The following PDE9A variants were observed in gnomAD, a reference collection of about 807,000 sequenced individuals.
PDE9A encodes the protein phosphodiesterase 9A, also known as high affinity cGMP-specific 3',5'-cyclic phosphodiesterase 9A.
Under a neutral mutation model 87.4 loss-of-function variants are expected in PDE9A, and 60 were observed. The ratio of observed to expected loss-of-function variants is 0.69; its 90% CI spans 0.56 to 0.85. The LOEUF (loss-of-function observed/expected upper bound fraction) is 0.85, where lower values mean the gene tolerates loss of function less well. PDE9A is among the 40% of genes least tolerant of loss of function. The pLI, the probability that PDE9A is intolerant of heterozygous loss-of-function variation, is 0.00. For missense variants in PDE9A, 665 were observed against 779.0 expected (o/e 0.85, Z 1.74); for synonymous variants, 272 against 279.4 (o/e 0.97, Z 0.27).
chr21:42,771,167 C>T (rs944897529), intron 18 of PDE9A, among the ~76,000 whole-genome samples: 14 of 152,200 alleles, frequency 9.2e-5, no homozygotes, highest in African/African-American at 3.1e-4. Flanking sequence ...GGCCCCAGGG[C>T]TGACTTGTTC....
chr21:42,664,351 C>G (rs1299561370), intron 1 of PDE9A, among the ~76,000 whole-genome samples: 1 of 152,272 alleles, frequency 6.6e-6, no homozygotes, highest in Non-Finnish European at 1.5e-5. Flanking sequence ...CAGGTGATGA[C>G]ACATCACAGT....
Position 42,759,134 on chromosome 21 carries a change from C to T in PDE9A, c.897+49C>T, listed in dbSNP as rs772292003. The T allele has an allele frequency of 7.4e-7, 1 of 1,357,720 alleles. No homozygotes were observed. The highest frequency in any genetic ancestry group is 2.3e-5 in the East Asian group (1 of 43,586). 84.1% of individuals were successfully genotyped at this position (1,357,720 alleles called of 1,614,324 possible). On this transcript the variant is annotated intron_variant, in intron 11 of 19. Transcript: ENST00000291539. The surrounding 1 kb of genome is among the most constrained non-coding windows in gnomAD (Gnocchi z 7.2). ...TTCTTCCTGGGCACGTGGTTTCATC[C>T]AGTTCCACAGGAATGGAGGGAATGG...
rs1040766889 is a variant in PDE9A, at chr21:42,705,598, G to T, written c.262+6587G>T. 8.5e-5 allele frequency among the ~76,000 whole-genome samples: 13 copies of T among 152,266 alleles called. No homozygotes were observed. Among genetic ancestry groups the T allele is most frequent in the Admixed American group, 5.9e-4 (9 of 15,296 alleles). The stretch of plus-strand genomic sequence containing the variant: ...CGTATCAAGGGGATTGTGTCTTTTT[G>T]ACCAGAGCGTTAGGGAAAGCGTGCT... On this transcript the variant is annotated intron_variant, in intron 4 of 19. Coordinates refer to ENST00000291539, the MANE Select transcript of PDE9A (RefSeq NM_002606.3). The surrounding 1 kb of genome is among the most constrained non-coding windows in gnomAD (Gnocchi z 4.3).
At chr21:42,757,630 G>A (rs1433100367) in intron 10 of PDE9A, 1 of 152,216 alleles carries the variant, frequency 6.6e-6, no homozygotes, top group Non-Finnish European at 1.5e-5. Context: ...CTCGGTCCCT[G>A]GTCTGGGACC....
At position 42,773,717 on chromosome 21, in the gene PDE9A, A is replaced by C. The variant is rs376927007; in HGVS notation, c.1768+1197A>C. 7.3e-4 allele frequency among the ~76,000 whole-genome samples: 109 copies of C among 149,472 alleles called. 1 individual carries two copies. The highest frequency in any genetic ancestry group is 6.9e-3 in the South Asian group (32 of 4,612). ...TTGAGAGGCTGAGGCAGGAGAATGG[A>C]GTGAACCCAGGAGGCGGAGATTGCC... On this transcript the variant is annotated intron_variant, in intron 19 of 19. Transcript: ENST00000291539.
Position 42,710,689 on chromosome 21 carries a change from C to T in PDE9A, c.262+11678C>T, listed in dbSNP as rs75741332. 7.1e-3 allele frequency among the ~76,000 whole-genome samples: 1,081 copies of T among 152,184 alleles called. 12 individuals are homozygous for T. Among genetic ancestry groups the T allele is most frequent in the African/African-American group, 0.024 (1,017 of 41,518 alleles). Reference sequence around the variant, plus strand: ...TGTCATATTTTGTGTAGTGTCTGTTCAACAATACTTTGCTCAGGCCAGGTC... The same window carrying T: ...TGTCATATTTTGTGTAGTGTCTGTTTAACAATACTTTGCTCAGGCCAGGTC... On this transcript the variant is annotated intron_variant, in intron 4 of 19. Coordinates refer to ENST00000291539, the MANE Select transcript of PDE9A (RefSeq NM_002606.3).
In PDE9A at chr21:42,770,698, C is replaced by T; in HGVS notation, c.1591-5C>T. ...ACTCTGAATAAATCCGTGTGTCTCT[C>T]CCAGCTCTTCCCCATGGTTGAGGAG... is the stretch of plus-strand genomic sequence containing the variant. On this transcript the variant is annotated splice_polypyrimidine_tract_variant and splice_region_variant and intron_variant, in intron 17 of 19. Coordinates refer to ENST00000291539, the MANE Select transcript of PDE9A (RefSeq NM_002606.3). The T allele has an allele frequency of 1.2e-6, 2 of 1,610,594 alleles. No homozygotes were observed. Among genetic ancestry groups the T allele is most frequent in the Non-Finnish European group, 1.7e-6 (2 of 1,176,766 alleles).
Position 42,687,994 on chromosome 21 carries a change from G to T in PDE9A, c.218G>T (p.Arg73Leu). 1.2e-6 allele frequency: 2 copies of T among 1,611,780 alleles called. No individual in the cohort carries two copies. The highest frequency in any genetic ancestry group is 8.5e-7 in the Non-Finnish European group (1 of 1,179,402). ...IDPTMPANSE[R>L]TPYKVRPVAI... ...CCCACCATGCCCGCGAATTCAGAAC[G>T]GTAAGAGGCTCCGGCCGCGCTCCTC... Residue 73 changes from arginine to leucine, a missense_variant and splice_region_variant, in exon 3 of 20, where the codon CGC becomes CTC. Transcript: ENST00000291539.
At position 42,760,681 on chromosome 21, in the gene PDE9A, T is replaced by A; in HGVS notation, c.1003-144T>A. The A allele has an allele frequency of 3.1e-6, 2 of 636,774 alleles. No individual in the cohort carries two copies. Among genetic ancestry groups the A allele is most frequent in the South Asian group, 1.7e-5 (1 of 57,366 alleles). The allele number at this position is 636,774 out of a possible 1,614,324, so 39.4% of individuals were successfully genotyped here. A position where few individuals can be genotyped will look rare whatever the true frequency, so the allele number is the denominator to read the frequency against. On this transcript the variant is annotated intron_variant, in intron 12 of 19. Transcript: ENST00000291539. This position sits in a 1 kb window ranked among gnomAD's most constrained non-coding sequence, Gnocchi z 5.2. The stretch of plus-strand genomic sequence containing the variant: ...CCCCCAACCCCCACAGGCAGGCCGA[T>A]CCTCTCCCACCATGCCAGGAGATGC...
In PDE9A at chr21:42,699,073, T is replaced by A. The variant is rs934421965; in HGVS notation, c.262+62T>A. 2.8e-6 allele frequency: 3 copies of A among 1,069,096 alleles called. No individual in the cohort carries two copies. The Admixed American group carries it at 5.2e-5, about 19-fold the overall frequency. The allele number at this position is 1,069,096 out of a possible 1,614,324, so 66.2% of individuals were successfully genotyped here. A position where few individuals can be genotyped will look rare whatever the true frequency, so the allele number is the denominator to read the frequency against. ...GAAAAAGAAATCTTGAGCTTGCCCC[T>A]GTGATAAAATATATACTAGTTAAGC... On this transcript the variant is annotated intron_variant, in intron 4 of 19. Coordinates refer to ENST00000291539, the MANE Select transcript of PDE9A (RefSeq NM_002606.3).
chr21:42,740,614 GATGGATGGATGA>G (rs1186015009), intron 7 of PDE9A, among the ~76,000 whole-genome samples: 2,562 of 57,694 alleles, frequency 0.044, 34 homozygotes, highest in East Asian at 0.15. Flanking sequence ...TGGATGGATG[GATGGATGGATGA>G]ATGGATACAT....
chr21:42,665,670 C>T (rs1387373502), intron 1 of PDE9A, among the ~76,000 whole-genome samples: 8 of 152,190 alleles, frequency 5.3e-5, no homozygotes, highest in Non-Finnish European at 8.8e-5. Context: ...GGATGTGTCG[C>T]GTGCAGGTGC....
At chr21:42,744,006 C>T in intron 8 of PDE9A, 146 bp downstream of exon 8, 2 of 611,826 alleles carry the variant, frequency 3.3e-6, no homozygotes, top group South Asian at 3.9e-5. Context: ...AGTCTGGAGG[C>T]AGCCACCCTG....
chr21:42,769,090 A>C lies in PDE9A; in HGVS notation c.1525A>C (p.Lys509Gln). The change falls in exon 17 of 20, where the codon AAG (lysine) becomes CAG (glutamine). Residue 509 changes from lysine to glutamine, a missense_variant. Transcript: ENST00000291539. Reference sequence around the variant, plus strand: ...GTTCATGGACCGAGACAAAGTGACCAAGGCCACAGCCCAGATTGGGTTCAT... The same window carrying C: ...GTTCATGGACCGAGACAAAGTGACCCAGGCCACAGCCCAGATTGGGTTCAT... ...APFMDRDKVT[K>Q]ATAQIGFIKF... The C allele has an allele frequency of 6.2e-7, 1 of 1,613,954 alleles. No individual in the cohort carries two copies. Among genetic ancestry groups the C allele is most frequent in the Non-Finnish European group, 8.5e-7 (1 of 1,179,814 alleles).
intron 4 of PDE9A, among the ~76,000 whole-genome samples, chr21:42,716,523 C>T (rs1054288873): frequency 2.0e-5 from 3 of 151,618 alleles, no homozygotes. Flanking sequence ...TTGCCATCTG[C>T]ATGTCTTCTT....
At chr21:42,668,639 G>A (rs773331097) in intron 1 of PDE9A, among the ~76,000 whole-genome samples, 7 of 152,186 alleles carry the variant, frequency 4.6e-5, no homozygotes, top group Non-Finnish European at 8.8e-5. Flanking sequence ...TAGCAGTGAG[G>A]AAAACAAAAG....
chr21:42,773,009 C>A (rs1251325110), intron 19 of PDE9A, among the ~76,000 whole-genome samples: 1 of 150,886 alleles, frequency 6.6e-6, no homozygotes, highest in Non-Finnish European at 1.5e-5. Context: ...GCCTGCAATC[C>A]CAGCACTTTG....
chr21:42,680,226 C>T (rs1177727382), intron 1 of PDE9A, among the ~76,000 whole-genome samples: 3 of 152,244 alleles, frequency 2.0e-5, no homozygotes, highest in Non-Finnish European at 4.4e-5. Context: ...GGCTCACTGA[C>T]AGTCGCCACC....
chr21:42,701,595 C>T (rs1288398993), intron 4 of PDE9A, among the ~76,000 whole-genome samples: 2 of 152,008 alleles, frequency 1.3e-5, no homozygotes, highest in Non-Finnish European at 2.9e-5. Context: ...CACCACCATG[C>T]CCGGCGAATT....
Sources: gnomAD v4.1 joint callset for allele counts (sites outside exome capture counted in the v4.1 genomes callset) on GRCh38, gnomAD v4.1.1 for gene constraint, Gnocchi (gnomAD v3.1) non-coding constraint, MANE v1.5 for transcripts, NCBI Gene and HGNC (gene_info 2026-07-23, HGNC 2026-07-21) for gene names.